VWA3B: variants seen among roughly 807,000 people sequenced by gnomAD.
VWA3B encodes von Willebrand factor A domain containing 3B.
A neutral mutation model predicts 158.3 loss-of-function variants in VWA3B; 138 were observed. The observed-to-expected ratio is 0.87, with a 90% CI of 0.76 to 1.00. VWA3B has a LOEUF of 1.00. Ranked by LOEUF, VWA3B falls within the 50% of genes least tolerant of loss-of-function variation. The pLI, the probability that VWA3B is intolerant of heterozygous loss-of-function variation, is 0.00. For synonymous variants in VWA3B, 596 were observed against 587.3 expected (o/e 1.01, Z -0.21); for missense variants, 1,555 against 1,565.1 (o/e 0.99, Z 0.11).
rs77705103 is a variant in VWA3B at position 98,087,436 on chromosome 2, G to C, written c.-33+73G>C. 5 of 152,368 alleles carry C rather than the reference G, an allele frequency of 3.3e-5. No homozygotes were observed. In the East Asian group the frequency reaches 9.7e-4, roughly 29 times the overall value. The allele number at this position is 152,368 out of a possible 1,614,324, so 9.4% of individuals were successfully genotyped here. A position where few individuals can be genotyped will look rare whatever the true frequency, so the allele number is the denominator to read the frequency against. ...AGCCTTCCAACAAGCGGCCTAGGGAGGTCTTGGAAAAATGCCATTTCTGAG... is the reference window on the plus strand; with the variant it reads ...AGCCTTCCAACAAGCGGCCTAGGGACGTCTTGGAAAAATGCCATTTCTGAG... On this transcript the variant is annotated intron_variant, in intron 1 of 27. Transcript: ENST00000477737.
intron 25 of VWA3B, 92 bp from the exon 26 acceptor site, chr2:98,303,610 G>GCTAT: frequency 8.7e-7 from 1 of 1,151,826 alleles, no homozygotes; most frequent in East Asian, 2.5e-5. Context: ...ATGACTAGAA[G>GCTAT]CTATTATAAT....
chr2:98,279,902 G>A (rs192786302), intron 22 of VWA3B, among the ~76,000 whole-genome samples: 1 of 152,142 alleles, frequency 6.6e-6, no homozygotes, highest in Non-Finnish European at 1.5e-5. Flanking sequence ...GCGTGAGTGG[G>A]GGCGGAATAG....
chr2:98,193,762 G>T (rs894666263), intron 11 of VWA3B, among the ~76,000 whole-genome samples: 1 of 151,948 alleles, frequency 6.6e-6, no homozygotes, highest in East Asian at 1.9e-4. Context: ...GCTAATTTTT[G>T]TATTTTTAGT....
intron 2 of VWA3B, among the ~76,000 whole-genome samples, chr2:98,094,061 T>C (rs1682545378): frequency 6.6e-6 from 1 of 152,196 alleles, no homozygotes; most frequent in South Asian, 2.1e-4. Flanking sequence ...TTAAGTTGAT[T>C]TCGTTATCTT....
chr2:98,179,300 C>G (rs961075299), intron 8 of VWA3B: 1 of 471,178 alleles, frequency 2.1e-6, no homozygotes, highest in South Asian at 1.5e-5. Flanking sequence ...GTGTGATATG[C>G]TGGCTTGTCC....
At chr2:98,175,600 A>T (rs1228798140) in intron 8 of VWA3B, among the ~76,000 whole-genome samples, 1 of 152,236 alleles carries the variant, frequency 6.6e-6, no homozygotes, top group Non-Finnish European at 1.5e-5. Flanking sequence ...AAACATAACA[A>T]CATGTGAACA....
intron 22 of VWA3B, among the ~76,000 whole-genome samples, chr2:98,282,586 G>A (rs1485523750): frequency 6.6e-6 from 1 of 151,726 alleles, no homozygotes; most frequent in Admixed American, 6.6e-5. Context: ...ACAGGCGCAC[G>A]GCACCACACC....
intron 8 of VWA3B, among the ~76,000 whole-genome samples, chr2:98,177,559 C>T (rs1680112051): frequency 1.3e-5 from 2 of 151,928 alleles, no homozygotes. Flanking sequence ...TAAAAGATTT[C>T]CCTCCTTTTT....
intron 2 of VWA3B, among the ~76,000 whole-genome samples, chr2:98,096,875 A>G (rs1682750738): frequency 6.6e-6 from 1 of 151,064 alleles, no homozygotes; most frequent in Non-Finnish European, 1.5e-5. Flanking sequence ...TCTTTGTTTT[A>G]TTGATATTTT....
intron 22 of VWA3B, among the ~76,000 whole-genome samples, chr2:98,284,156 A>C (rs1434961710): frequency 6.6e-6 from 1 of 152,200 alleles, no homozygotes; most frequent in African/African-American, 2.4e-5. Context: ...TTCACCATCC[A>C]TTTTTGTCCG....
At chr2:98,288,891 C>G (rs1033463506) in intron 22 of VWA3B, among the ~76,000 whole-genome samples, 1 of 152,294 alleles carries the variant, frequency 6.6e-6, no homozygotes, top group East Asian at 1.9e-4. Flanking sequence ...CCCTTTCATT[C>G]CAACCTTTCA....
Position 98,167,313 on chromosome 2 carries a change from G to GT in VWA3B, c.1114+4346dup, listed in dbSNP as rs200081985. ...TGAGAAGAAGGTGAGGCCACTGATA[G>GT]TTTTTTTTTAACCTCTTTTAATTAC... On this transcript the variant is annotated intron_variant, in intron 8 of 27. Coordinates refer to ENST00000477737, the MANE Select transcript of VWA3B (RefSeq NM_144992.5). Among the ~76,000 whole-genome samples, 965 of 151,456 alleles carry GT rather than the reference G, an allele frequency of 6.4e-3. 42 individuals carry two copies. The highest frequency in any genetic ancestry group is 0.057 in the Admixed American group (866 of 15,176).
At chr2:98,227,105 G>T (rs896892118) in intron 14 of VWA3B, among the ~76,000 whole-genome samples, 2 of 152,192 alleles carry the variant, frequency 1.3e-5, no homozygotes, top group African/African-American at 4.8e-5. Context: ...AAGTCAAATT[G>T]TCTCTGTTTG....
At chr2:98,305,613 C>G (rs1046041691) in intron 26 of VWA3B, among the ~76,000 whole-genome samples, 8 of 152,312 alleles carry the variant, frequency 5.3e-5, no homozygotes, top group Non-Finnish European at 8.8e-5. Flanking sequence ...GAGCTCCCCA[C>G]AAACCTGCTC....
At chr2:98,255,083 G>A (rs1291696408) in intron 20 of VWA3B, among the ~76,000 whole-genome samples, 4 of 150,894 alleles carry the variant, frequency 2.7e-5, no homozygotes, top group East Asian at 1.9e-4. Context: ...GCGTGATCTC[G>A]GCTCACTGCA....
At chr2:98,249,831 A>T (rs1167404179) in intron 19 of VWA3B, among the ~76,000 whole-genome samples, 1 of 152,186 alleles carries the variant, frequency 6.6e-6, no homozygotes, top group Non-Finnish European at 1.5e-5. Flanking sequence ...AAACAAAAAA[A>T]GGATAAGAGA....
At chr2:98,164,577 A>G (rs1391035360) in intron 8 of VWA3B, among the ~76,000 whole-genome samples, 1 of 152,262 alleles carries the variant, frequency 6.6e-6, no homozygotes, top group Admixed American at 6.5e-5. Context: ...ATGGTCACAT[A>G]GCTAGCAAAC....
At chr2:98,097,363 C>T (rs374495307) in intron 2 of VWA3B, among the ~76,000 whole-genome samples, 1 of 152,160 alleles carries the variant, frequency 6.6e-6, no homozygotes, top group African/African-American at 2.4e-5. Flanking sequence ...ATTTAGTTTT[C>T]CATTCCTGAG....
chr2:98,105,054 C>T (rs943552483), intron 2 of VWA3B, among the ~76,000 whole-genome samples: 1 of 152,168 alleles, frequency 6.6e-6, no homozygotes, highest in Non-Finnish European at 1.5e-5. Flanking sequence ...AAACTATACA[C>T]TGCTAAGATC....
Sources: allele counts gnomAD v4.1 joint callset (sites outside exome capture counted in the v4.1 genomes callset), GRCh38; gene constraint gnomAD v4.1.1; transcripts MANE v1.5; gene names NCBI Gene and HGNC (gene_info 2026-07-23, HGNC 2026-07-21).